The following SYT1 variants were observed in gnomAD, a reference collection of about 807,000 sequenced individuals.
SYT1 encodes synaptotagmin 1, also known as synaptotagmin-1.
SYT1 carries 8 observed loss-of-function variants against 44.8 expected under a neutral mutation model. The ratio of observed to expected loss-of-function variants is 0.18; its 90% CI spans 0.10 to 0.32. The LOEUF (loss-of-function observed/expected upper bound fraction) is 0.32, where lower values mean the gene tolerates loss of function less well. Ranked by LOEUF, SYT1 falls within the 10% of genes least tolerant of loss-of-function variation. The pLI is 1.00. For synonymous variants in SYT1, 154 were observed against 188.8 expected, an observed-to-expected ratio of 0.82 and a Z score of 1.51; for missense variants, 286 against 509.3, an observed-to-expected ratio of 0.56 and a Z score of 4.22.
At chr12:79,141,924 T>C (rs143941898) in intron 3 of SYT1, among the ~76,000 whole-genome samples, 23 of 152,358 alleles carry the variant, frequency 1.5e-4, no homozygotes, top group African/African-American at 5.5e-4. Flanking sequence ...TTCAGGGTGC[T>C]GCCCAAGTGC....
At chr12:79,064,967 A>AGAAAGAAAGAAAGAAAGAAG (rs1875697779) in intron 3 of SYT1, among the ~76,000 whole-genome samples, 3 of 150,950 alleles carry the variant, frequency 2.0e-5, no homozygotes, top group African/African-American at 7.3e-5. Flanking sequence ...AAAGAAAGAA[A>AGAAAGAAAGAAAGAAAGAAG]GAAAGAAAGA....
chr12:79,192,499 G>A (rs186179780), intron 3 of SYT1, among the ~76,000 whole-genome samples: 4 of 152,188 alleles, frequency 2.6e-5, no homozygotes, highest in Non-Finnish European at 5.9e-5. Flanking sequence ...ATACTGATGA[G>A]GATGAAACAA....
intron 3 of SYT1, among the ~76,000 whole-genome samples, chr12:79,205,050 C>T (rs1172469288): frequency 9.3e-5 from 14 of 150,180 alleles, no homozygotes; most frequent in African/African-American, 3.0e-4. Context: ...CTGCAAGCTC[C>T]GCCTCCCGAG....
At chr12:79,145,786 C>T (rs1869859769) in intron 3 of SYT1, among the ~76,000 whole-genome samples, 1 of 150,218 alleles carries the variant, frequency 6.7e-6, no homozygotes, top group Admixed American at 6.6e-5. Flanking sequence ...GAGACGGAGT[C>T]TCGCTCTGTC....
At position 78,913,308 on chromosome 12, in the gene SYT1, A is replaced by G. The variant is rs373186351; in HGVS notation, c.-217+48199A>G. On this transcript the variant is annotated intron_variant, in intron 1 of 10. Coordinates refer to ENST00000261205, the MANE Select transcript of SYT1 (RefSeq NM_005639.3). ...GCTATTAGTTAATTTTAAACTAAGC[A>G]AAATACACTCTTTTTGTCTTATTAA... Among the ~76,000 whole-genome samples the G allele has an allele frequency of 4.0e-5, 6 of 151,378 alleles. No individual in the cohort carries two copies. The East Asian group carries it at 7.8e-4, about 20-fold the overall frequency.
At chr12:79,216,337 A>G (rs1207969786) in intron 3 of SYT1, among the ~76,000 whole-genome samples, 1 of 152,172 alleles carries the variant, frequency 6.6e-6, no homozygotes, top group Non-Finnish European at 1.5e-5. Flanking sequence ...CGTGAAGTGA[A>G]TCCTGTCCAG....
intron 1 of SYT1, among the ~76,000 whole-genome samples, chr12:78,973,621 A>C (rs78754192): frequency 6.6e-6 from 1 of 152,220 alleles, no homozygotes; most frequent in East Asian, 1.9e-4. Context: ...TTTTAATGAC[A>C]AACAACCAGG....
intron 3 of SYT1, among the ~76,000 whole-genome samples, chr12:79,191,643 G>T (rs540632312): frequency 2.0e-5 from 3 of 152,172 alleles, no homozygotes; most frequent in South Asian, 4.1e-4. Context: ...GACATTTGTT[G>T]ATATTTTAAG....
intron 8 of SYT1, among the ~76,000 whole-genome samples, chr12:79,345,235 G>A (rs1477554448): frequency 6.6e-6 from 1 of 152,134 alleles, no homozygotes; most frequent in African/African-American, 2.4e-5. Context: ...CAGCACATTG[G>A]TTTTACAAAG....
intron 3 of SYT1, among the ~76,000 whole-genome samples, chr12:79,093,379 TAG>T (rs891332410): frequency 6.6e-5 from 10 of 151,892 alleles, no homozygotes; most frequent in East Asian, 5.8e-4. Context: ...TACATAATTA[TAG>T]AAACAGTTTA....
At position 79,412,355 on chromosome 12, in the gene SYT1, C is replaced by T. The variant is rs541999974; in HGVS notation, c.929-31718C>T. ...CCTATAAGGTAATATACCAGTTAAA[C>T]TCCACCATCTTGCCTCTTAGTTTGC... is the stretch of plus-strand genomic sequence containing the variant. On this transcript the variant is annotated intron_variant, in intron 9 of 10. Coordinates refer to ENST00000261205, the MANE Select transcript of SYT1 (RefSeq NM_005639.3). Among the ~76,000 whole-genome samples, 4 of 152,292 alleles carry T rather than the reference C, an allele frequency of 2.6e-5. No homozygotes were observed. The South Asian group carries it at 8.3e-4, about 32-fold the overall frequency.
At chr12:78,956,074 G>T (rs1018504973) in intron 1 of SYT1, among the ~76,000 whole-genome samples, 1 of 151,838 alleles carries the variant, frequency 6.6e-6, no homozygotes, top group African/African-American at 2.4e-5. Context: ...CAGTATGAGG[G>T]TGCTTTACTT....
chr12:79,408,197 T>C (rs994884910), intron 9 of SYT1, among the ~76,000 whole-genome samples: 8 of 152,158 alleles, frequency 5.3e-5, no homozygotes, highest in Admixed American at 3.3e-4. Flanking sequence ...TATTGGTTCA[T>C]TGTCGATTCT....
At chr12:79,174,083 G>C (rs1871711188) in intron 3 of SYT1, among the ~76,000 whole-genome samples, 1 of 151,954 alleles carries the variant, frequency 6.6e-6, no homozygotes, top group Non-Finnish European at 1.5e-5. Context: ...AGAAGTTTTG[G>C]AAAATGGATT....
intron 9 of SYT1, among the ~76,000 whole-genome samples, chr12:79,359,865 C>T (rs1202828827): frequency 6.6e-6 from 1 of 152,174 alleles, no homozygotes; most frequent in Non-Finnish European, 1.5e-5. Context: ...CAGGTAACTA[C>T]TAGATTCCAA....
At chr12:79,140,436 C>T (rs1375520305) in intron 3 of SYT1, among the ~76,000 whole-genome samples, 1 of 152,072 alleles carries the variant, frequency 6.6e-6, no homozygotes, top group Admixed American at 6.5e-5. Context: ...TAGGTGCTTT[C>T]CGTATATAGT....
intron 2 of SYT1, among the ~76,000 whole-genome samples, chr12:78,985,391 A>G (rs1869572246): frequency 6.6e-6 from 1 of 151,896 alleles, no homozygotes; most frequent in Non-Finnish European, 1.5e-5. Context: ...AGAAGAATAT[A>G]TTCTTTCTAA....
intron 8 of SYT1, among the ~76,000 whole-genome samples, chr12:79,307,190 A>G (rs1335654836): frequency 6.6e-6 from 1 of 152,194 alleles, no homozygotes; most frequent in African/African-American, 2.4e-5. Flanking sequence ...TCAGTGATTG[A>G]CTTGTACTAG....
At chr12:78,902,632 A>G (rs181781926) in intron 1 of SYT1, among the ~76,000 whole-genome samples, 1 of 152,316 alleles carries the variant, frequency 6.6e-6, no homozygotes, top group African/African-American at 2.4e-5. Flanking sequence ...TCATTTTTCT[A>G]GAAAGTGGTA....
Sources: allele counts gnomAD v4.1 joint callset (sites outside exome capture counted in the v4.1 genomes callset), GRCh38; gene constraint gnomAD v4.1.1; transcripts MANE v1.5; gene names NCBI Gene and HGNC (gene_info 2026-07-23, HGNC 2026-07-21).